Variants in HSPH1 observed in about 807,000 individuals in gnomAD.
HSPH1 encodes the protein heat shock protein family H (Hsp110) member 1, also known as heat shock protein 105 kDa.
Under a neutral mutation model 100.0 loss-of-function variants are expected in HSPH1, and 40 were observed. The ratio of observed to expected loss-of-function variants is 0.40; its 90% CI spans 0.31 to 0.52. The LOEUF (loss-of-function observed/expected upper bound fraction) is 0.52. Among genes scored for constraint, HSPH1 ranks in the 20% least tolerant of loss-of-function variants. The pLI is 0.54. For missense variants in HSPH1, 876 were observed against 1,015.1 expected (o/e 0.86, Z 1.86); for synonymous variants, 403 against 344.0 (o/e 1.17, Z -1.90).
chr13:31,141,273 A>AT lies in HSPH1; in HGVS notation c.1717-15dup, dbSNP rs766417330. On this transcript the variant is annotated splice_polypyrimidine_tract_variant and intron_variant, in intron 12 of 17. Coordinates refer to ENST00000320027, the MANE Select transcript of HSPH1 (RefSeq NM_006644.4). ...TTTTTCATTTGCCTTGGGAAGAGGA[A>AT]TAAAAAAAGGAAAAAATTTTAAACA... 6.4e-6 allele frequency: 10 copies of AT among 1,572,628 alleles called. 1 individual carries two copies. The South Asian group carries it at 1.1e-4, about 17-fold the overall frequency.
At position 31,135,745 on chromosome 13, in the gene HSPH1, T is replaced by A. The variant is rs1045055872; in HGVS notation, c.*1573A>T. On this transcript the variant is annotated 3_prime_UTR_variant, in exon 18 of 18. Coordinates refer to ENST00000320027, the MANE Select transcript of HSPH1 (RefSeq NM_006644.4). ...GAGGAAATAAACCTCAGCAGTCAAG[T>A]GTTACTAAACCTCATAGTTTGAAGA... The A allele has an allele frequency of 1.2e-4, 18 of 152,234 alleles. No homozygotes were observed. Among genetic ancestry groups the A allele is most frequent in the African/African-American group, 4.3e-4 (18 of 41,466 alleles). The allele number at this position is 152,234 out of a possible 1,614,324, so 9.4% of individuals were successfully genotyped here. A position where few individuals can be genotyped will look rare whatever the true frequency, so the allele number is the denominator to read the frequency against.
chr13:31,161,883 G>C lies in HSPH1; in HGVS notation c.-301C>G. On this transcript the variant is annotated 5_prime_UTR_variant, in exon 1 of 18. Coordinates refer to ENST00000320027, the MANE Select transcript of HSPH1 (RefSeq NM_006644.4). Reference sequence around the variant, plus strand: ...ACTCTGCCGCGGCTCGCACACCGGCGCCGGCGCTGAACTACCGACCCAAAA... The same window carrying C: ...ACTCTGCCGCGGCTCGCACACCGGCCCCGGCGCTGAACTACCGACCCAAAA... 2 of 1,488,154 alleles carry C rather than the reference G, an allele frequency of 1.3e-6. No individual in the cohort carries two copies. The highest frequency in any genetic ancestry group is 8.9e-7 in the Non-Finnish European group (1 of 1,120,464). 92.2% of individuals were successfully genotyped at this position (1,488,154 alleles called of 1,614,324 possible). A position where few individuals can be genotyped will look rare whatever the true frequency, so the allele number is the denominator to read the frequency against.
In HSPH1 at chr13:31,137,360, A is replaced by G. The variant is rs1955917973; in HGVS notation, c.2535T>C (p.Cys845=). The stretch of plus-strand genomic sequence containing the variant: ...TAACAGAATTTTTCTCATTAGGGTA[A>G]CATTCACCATTCTGATGTGGAGGTT... The part of the protein sequence containing the change: ...GAEPPHQNGE[C]YPNEKNSVNM... Residue 845 remains cysteine, a synonymous_variant, in exon 18 of 18, where the codon TGT becomes TGC. Coordinates refer to ENST00000320027, the MANE Select transcript of HSPH1 (RefSeq NM_006644.4). The G allele has an allele frequency of 6.2e-7, 1 of 1,613,228 alleles. No homozygotes were observed. Among genetic ancestry groups the G allele is most frequent in the South Asian group, 1.1e-5 (1 of 90,988 alleles).
At chr13:31,139,186 C>T (rs1955997204) in intron 14 of HSPH1, 79 bp from the exon 15 acceptor site, 3 of 886,364 alleles carry the variant, frequency 3.4e-6, no homozygotes, top group Non-Finnish European at 5.7e-6. Flanking sequence ...TATTCTCACA[C>T]TAGGTAGCTA....
chr13:31,161,329 C>G, intron 1 of HSPH1, 147 bp downstream of exon 1: 3 of 1,394,528 alleles, frequency 2.2e-6, no homozygotes, highest in Non-Finnish European at 2.9e-6. Context: ...CTGGCCGGGT[C>G]GCTGGTCCCT....
intron 10 of HSPH1, among the ~76,000 whole-genome samples, chr13:31,147,486 A>C (rs1320203599): frequency 2.0e-5 from 3 of 152,066 alleles, no homozygotes; most frequent in Non-Finnish European, 4.4e-5. Flanking sequence ...TCCCCCCAAA[A>C]TATGTACCAA....
In HSPH1 at chr13:31,161,871, T is replaced by C; in HGVS notation, c.-289A>G. On this transcript the variant is annotated 5_prime_UTR_variant, in exon 1 of 18. Transcript: ENST00000320027. ...GTTGCCTGCCTCACTCTGCCGCGGC[T>C]CGCACACCGGCGCCGGCGCTGAACT... The C allele has an allele frequency of 1.3e-6, 2 of 1,485,448 alleles. No homozygotes were observed. Among genetic ancestry groups the C allele is most frequent in the Non-Finnish European group, 1.8e-6 (2 of 1,119,328 alleles). The allele number at this position is 1,485,448 out of a possible 1,614,324, so 92.0% of individuals were successfully genotyped here. A position where few individuals can be genotyped will look rare whatever the true frequency, so the allele number is the denominator to read the frequency against.
chr13:31,161,206 GC>G (rs1179260558), intron 1 of HSPH1, among the ~76,000 whole-genome samples: 1 of 152,152 alleles, frequency 6.6e-6, no homozygotes, highest in Non-Finnish European at 1.5e-5. Context: ...CCAATAGGAA[GC>G]CCGCACAAGG....
upstream of HSPH1, chr13:31,162,355 A>G: frequency 3.6e-6 from 2 of 553,382 alleles, no homozygotes; most frequent in Non-Finnish European, 6.5e-6. Flanking sequence ...TCCGGAGAGC[A>G]TGTTGGGAAT....
chr13:31,156,977 C>T (rs1326816588), intron 2 of HSPH1, among the ~76,000 whole-genome samples: 1 of 152,166 alleles, frequency 6.6e-6, no homozygotes, highest in Non-Finnish European at 1.5e-5. Context: ...CAAGAAATAA[C>T]TGTAAGATTG....
chr13:31,143,433 T>A (rs1956167541), intron 12 of HSPH1, among the ~76,000 whole-genome samples: 1 of 152,146 alleles, frequency 6.6e-6, no homozygotes, highest in Non-Finnish European at 1.5e-5. Context: ...ATCATCTGAT[T>A]AGTTCAAGTG....
intron 17 of HSPH1, among the ~76,000 whole-genome samples, chr13:31,137,930 T>C (rs114809769): frequency 1.6e-3 from 250 of 152,258 alleles, no homozygotes; most frequent in African/African-American, 5.6e-3. Context: ...TGACCTTCAC[T>C]GTGTTTGAAC....
rs778005029 is a variant in HSPH1 at position 31,137,051 on chromosome 13, A to G, written c.*267T>C. The G allele has an allele frequency of 1.7e-6, 1 of 599,746 alleles. No homozygotes were observed. Among genetic ancestry groups the G allele is most frequent in the South Asian group, 1.6e-5 (1 of 64,064 alleles). 37.2% of individuals were successfully genotyped at this position (599,746 alleles called of 1,614,324 possible). ...TCTCCAAAAGACAAAAGTCAGTTTC[A>G]TCCTCAGTGATGCAAATGGTGAGAC... On this transcript the variant is annotated 3_prime_UTR_variant, in exon 18 of 18. Transcript: ENST00000320027.
chr13:31,161,728 C>T lies in HSPH1; in HGVS notation c.-146G>A, dbSNP rs980288526. ...CGTTCCTCTGACACTCAGAAGGACA[C>T]ACAGACAGCCGCGGCCTGTCAGGAG... On this transcript the variant is annotated 5_prime_UTR_variant, in exon 1 of 18. The change creates a new upstream start codon in the 5' untranslated region. Transcript: ENST00000320027. 5 of 1,533,840 alleles carry T rather than the reference C, an allele frequency of 3.3e-6. No homozygotes were observed. The highest frequency in any genetic ancestry group is 1.4e-5 in the African/African-American group (1 of 73,126).
chr13:31,158,891 A>G (rs368652821), intron 1 of HSPH1, 28 bp from the exon 2 acceptor site: 4 of 1,342,628 alleles, frequency 3.0e-6, no homozygotes, highest in African/African-American at 2.9e-5. Context: ...CCAAAAAATT[A>G]AAAAGCATAA....
At chr13:31,140,621 T>C (rs1232964957) in intron 13 of HSPH1, 2 of 217,316 alleles carry the variant, frequency 9.2e-6, no homozygotes, top group South Asian at 2.1e-4. Flanking sequence ...CAAATGGTTA[T>C]CCATATTCAG....
At chr13:31,141,858 C>G (rs1956109892) in intron 12 of HSPH1, among the ~76,000 whole-genome samples, 1 of 151,420 alleles carries the variant, frequency 6.6e-6, no homozygotes, top group Admixed American at 6.6e-5. Context: ...TGAATTGTAT[C>G]ATTTCTCATA....
Position 31,161,506 on chromosome 13 carries a change from A to G in HSPH1, c.77T>C (p.Ile26Thr). The G allele has an allele frequency of 6.2e-7, 1 of 1,613,804 alleles. No homozygotes were observed. Among genetic ancestry groups the G allele is most frequent in the Non-Finnish European group, 8.5e-7 (1 of 1,179,890 alleles). Residue 26 changes from isoleucine to threonine, a missense_variant, in exon 1 of 18, where the codon ATC (isoleucine) becomes ACC (threonine). Transcript: ENST00000320027. The part of the protein sequence containing the change: ...AVARAGGIET[I>T]ANEFSDRCTP... ...GCACCGGTCGCTGAACTCATTGGCGATGGTCTCGATGCCCCCGGCCCGGGC... is the reference window on the plus strand; with the variant it reads ...GCACCGGTCGCTGAACTCATTGGCGGTGGTCTCGATGCCCCCGGCCCGGGC...
intron 8 of HSPH1, among the ~76,000 whole-genome samples, chr13:31,149,331 C>T (rs535172740): frequency 3.9e-5 from 6 of 152,148 alleles, no homozygotes; most frequent in East Asian, 3.9e-4. Context: ...TTAAAAACTG[C>T]TACTAGCTTA....
Sources: allele counts gnomAD v4.1 joint callset (sites outside exome capture counted in the v4.1 genomes callset), GRCh38; gene constraint gnomAD v4.1.1; transcripts MANE v1.5; gene names NCBI Gene and HGNC (gene_info 2026-07-23, HGNC 2026-07-21).